The following IFT25 variants were observed in gnomAD, a reference collection of about 807,000 sequenced individuals.
The protein encoded by IFT25 is intraflagellar transport 25.
the IFT25 span, among the ~76,000 whole-genome samples, chr1:53,939,141 C>T: frequency 6.6e-6 from 1 of 151,074 alleles, no homozygotes; most frequent in Non-Finnish European, 1.5e-5. Context: ...CCTGTAATCC[C>T]AGCACTTTGG....
At chr1:53,937,751 C>T in the IFT25 span, among the ~76,000 whole-genome samples, 1 of 152,166 alleles carries the variant, frequency 6.6e-6, no homozygotes, top group Non-Finnish European at 1.5e-5. Context: ...CAATCAGAAT[C>T]AAGGAGTGTT....
At chr1:53,923,955 A>G in the IFT25 span, 2 of 1,580,918 alleles carry the variant, frequency 1.3e-6, no homozygotes, top group African/African-American at 1.3e-5. Flanking sequence ...AATCTAAAAC[A>G]TAAATGTAAC....
the IFT25 span, among the ~76,000 whole-genome samples, chr1:53,917,648 A>G: frequency 6.6e-6 from 1 of 152,118 alleles, no homozygotes; most frequent in African/African-American, 2.4e-5. Context: ...CACCATGGTG[A>G]GACCCCCAAC....
chr1:53,941,902 C>A, the IFT25 span, among the ~76,000 whole-genome samples: 1 of 152,274 alleles, frequency 6.6e-6, no homozygotes, highest in South Asian at 2.1e-4. Context: ...TCTCAAGATA[C>A]CCTGTGGACC....
At chr1:53,931,254 T>C in the IFT25 span, among the ~76,000 whole-genome samples, 4 of 152,238 alleles carry the variant, frequency 2.6e-5, no homozygotes, top group African/African-American at 7.2e-5. Context: ...CTAAGTATTC[T>C]TGTACAAGTG....
the IFT25 span, chr1:53,940,067 G>T: frequency 1.9e-6 from 3 of 1,602,770 alleles, no homozygotes; most frequent in African/African-American, 2.7e-5. Context: ...CTCAGACAGA[G>T]ATCAATTTTT....
the IFT25 span, among the ~76,000 whole-genome samples, chr1:53,925,714 G>A: frequency 6.6e-6 from 1 of 150,404 alleles, no homozygotes; most frequent in Non-Finnish European, 1.5e-5. Flanking sequence ...ATACTTAGGA[G>A]AGAACATAAA....
chr1:53,945,250 CTTACA>C, the IFT25 span, among the ~76,000 whole-genome samples: 1 of 152,226 alleles, frequency 6.6e-6, no homozygotes, highest in Non-Finnish European at 1.5e-5. Flanking sequence ...CGGCTGACAG[CTTACA>C]TTACATTTTG....
the IFT25 span, chr1:53,923,842 AG>A: frequency 1.1e-6 from 1 of 937,284 alleles, no homozygotes; most frequent in Non-Finnish European, 1.7e-6. Context: ...CTATGGAGAT[AG>A]GTTAAAGTCT....
chr1:53,920,302 T>C, the IFT25 span, among the ~76,000 whole-genome samples: 1 of 152,198 alleles, frequency 6.6e-6, no homozygotes. Flanking sequence ...TGGTCTTTTA[T>C]TTTTTCTCTT....
chr1:53,928,334 C>T, the IFT25 span: 1 of 1,438,932 alleles, frequency 6.9e-7, no homozygotes, highest in Non-Finnish European at 9.8e-7. Context: ...ATATTATCTA[C>T]TCCTTCATGC....
chr1:53,939,984 C>G, the IFT25 span: 1 of 1,545,050 alleles, frequency 6.5e-7, no homozygotes, highest in Non-Finnish European at 8.9e-7. Flanking sequence ...GTAACTCTTA[C>G]CCATCAATGA....
At chr1:53,928,380 A>T in the IFT25 span, 4 of 1,611,758 alleles carry the variant, frequency 2.5e-6, no homozygotes, top group South Asian at 3.3e-5. Context: ...ACCTTTTTCA[A>T]TCCATTGCTC....
chr1:53,934,125 G>A, the IFT25 span, among the ~76,000 whole-genome samples: 2 of 152,016 alleles, frequency 1.3e-5, no homozygotes, highest in Non-Finnish European at 2.9e-5. Flanking sequence ...TCTTCTTATA[G>A]GTTTGATTTT....
the IFT25 span, among the ~76,000 whole-genome samples, chr1:53,927,739 G>A: frequency 6.6e-6 from 1 of 152,152 alleles, no homozygotes; most frequent in Non-Finnish European, 1.5e-5. Flanking sequence ...AAAGTGGCTT[G>A]CTTCTTATTG....
At chr1:53,923,982 G>A in the IFT25 span, 7 of 1,393,636 alleles carry the variant, frequency 5.0e-6, no homozygotes, top group Non-Finnish European at 7.1e-6. Flanking sequence ...AATGAGTTAA[G>A]GGTCAAAATA....
chr1:53,941,567 C>T, the IFT25 span, among the ~76,000 whole-genome samples: 1 of 152,100 alleles, frequency 6.6e-6, no homozygotes, highest in Non-Finnish European at 1.5e-5. Flanking sequence ...AATCTTACCA[C>T]AGTTTTCGAC....
At chr1:53,939,995 T>C in the IFT25 span, 3 of 1,586,622 alleles carry the variant, frequency 1.9e-6, no homozygotes, top group East Asian at 4.5e-5. Flanking sequence ...CCATCAATGA[T>C]ATTTTCAGGT....
the IFT25 span, among the ~76,000 whole-genome samples, chr1:53,944,355 C>A: frequency 5.3e-4 from 81 of 152,178 alleles, no homozygotes; most frequent in Middle Eastern, 3.4e-3. Context: ...ACTAAAAATT[C>A]AAAAATTAGC....
Sources: gnomAD v4.1 joint callset for allele counts (sites outside exome capture counted in the v4.1 genomes callset) on GRCh38, gnomAD v4.1.1 for gene constraint, MANE v1.5 for transcripts, NCBI Gene and HGNC (gene_info 2026-07-23, HGNC 2026-07-21) for gene names.